IMMP2L: variants seen among roughly 807,000 people sequenced by gnomAD.
The protein encoded by IMMP2L is inner mitochondrial membrane peptidase subunit 2.
IMMP2L carries 18 observed loss-of-function variants against 19.3 expected under a neutral mutation model. The ratio of observed to expected loss-of-function variants is 0.93; its 90% CI spans 0.64 to 1.38. The LOEUF is 1.38. Among genes scored for constraint, IMMP2L ranks in the 40% most tolerant of loss-of-function variants. The pLI, the probability that IMMP2L is intolerant of heterozygous loss-of-function variation, is 0.00. For synonymous variants in IMMP2L, 76 were observed against 73.0 expected (o/e 1.04, Z -0.21); for missense variants, 233 against 218.2 (o/e 1.07, Z -0.43).
intron 3 of IMMP2L, among the ~76,000 whole-genome samples, chr7:110,984,828 C>T (rs926762193): frequency 6.6e-6 from 1 of 152,010 alleles, no homozygotes; most frequent in Non-Finnish European, 1.5e-5. Flanking sequence ...TCAAAGATGG[C>T]CACATCCAAA....
intron 4 of IMMP2L, among the ~76,000 whole-genome samples, chr7:110,950,201 T>A (rs1374801395): frequency 6.6e-6 from 1 of 152,126 alleles, no homozygotes. Context: ...TTTTTCAACA[T>A]CATTTGTTAA....
At chr7:111,050,991 A>G (rs1792951304) in intron 3 of IMMP2L, among the ~76,000 whole-genome samples, 1 of 152,322 alleles carries the variant, frequency 6.6e-6, no homozygotes, top group South Asian at 2.1e-4. Context: ...GCTGGGAAAC[A>G]AAGGATAAAA....
At chr7:111,257,664 C>T (rs1816859817) in intron 3 of IMMP2L, among the ~76,000 whole-genome samples, 1 of 152,100 alleles carries the variant, frequency 6.6e-6, no homozygotes, top group African/African-American at 2.4e-5. Flanking sequence ...ATTCGTTTCT[C>T]TATAAATTAA....
At chr7:111,555,878 G>C (rs140211370) in intron 1 of IMMP2L, among the ~76,000 whole-genome samples, 88 of 151,460 alleles carry the variant, frequency 5.8e-4, no homozygotes, top group Middle Eastern at 3.4e-3. Flanking sequence ...AAGTGTTGGC[G>C]AGGGTGGGAG....
At chr7:111,205,784 T>G (rs1300305536) in intron 3 of IMMP2L, among the ~76,000 whole-genome samples, 2 of 152,142 alleles carry the variant, frequency 1.3e-5, no homozygotes, top group Non-Finnish European at 2.9e-5. Context: ...CTATACTGAG[T>G]TCCACAGAGG....
At chr7:111,538,836 A>T (rs986008492) in intron 1 of IMMP2L, among the ~76,000 whole-genome samples, 3 of 147,314 alleles carry the variant, frequency 2.0e-5, no homozygotes, top group Non-Finnish European at 3.0e-5. Context: ...AAAAAAAAAA[A>T]AAGGCTGGGC....
chr7:111,389,749 C>T (rs1339647092), intron 3 of IMMP2L, among the ~76,000 whole-genome samples: 3 of 152,020 alleles, frequency 2.0e-5, no homozygotes, highest in African/African-American at 7.3e-5. Context: ...ACATGTTTGG[C>T]CTTAAATGCC....
At chr7:110,771,047 A>G (rs1452467845) in intron 5 of IMMP2L, among the ~76,000 whole-genome samples, 1 of 152,176 alleles carries the variant, frequency 6.6e-6, no homozygotes, top group African/African-American at 2.4e-5. Context: ...AAATGTTGAC[A>G]GGAAAAGGGG....
chr7:110,866,297 G>T (rs567730274), intron 5 of IMMP2L, among the ~76,000 whole-genome samples: 17 of 151,846 alleles, frequency 1.1e-4, no homozygotes, highest in Non-Finnish European at 2.5e-4. Flanking sequence ...AGGAATAATC[G>T]CATAAAATCT....
At chr7:111,084,375 C>T (rs1016594753) in intron 3 of IMMP2L, among the ~76,000 whole-genome samples, 3 of 150,014 alleles carry the variant, frequency 2.0e-5, no homozygotes, top group Middle Eastern at 3.5e-3. Context: ...CAGCTTTAGA[C>T]ACGTAGAGTA....
intron 4 of IMMP2L, among the ~76,000 whole-genome samples, chr7:110,889,283 G>A (rs1430423032): frequency 6.6e-6 from 1 of 152,108 alleles, no homozygotes; most frequent in Non-Finnish European, 1.5e-5. Flanking sequence ...AATATATAAT[G>A]AATCAATTAT....
intron 3 of IMMP2L, among the ~76,000 whole-genome samples, chr7:111,026,178 T>C (rs2129567852): frequency 6.6e-6 from 1 of 152,304 alleles, no homozygotes; most frequent in African/African-American, 2.4e-5. Context: ...TAATTTTACC[T>C]TCATTCTACT....
chr7:111,384,103 C>T (rs1396002496), intron 3 of IMMP2L, among the ~76,000 whole-genome samples: 1 of 151,820 alleles, frequency 6.6e-6, no homozygotes. Context: ...ATAACTATAC[C>T]AGTGCACTCC....
rs545748346 is a variant in IMMP2L, at chr7:110,882,745, GT to G, written c.408+3847del. Among the ~76,000 whole-genome samples, 20 of 148,716 alleles carry G rather than the reference GT, an allele frequency of 1.3e-4. 1 individual carries two copies. The East Asian group carries it at 3.0e-3, about 22-fold the overall frequency. On this transcript the variant is annotated intron_variant, in intron 5 of 5. Transcript: ENST00000405709. ...CTTCCTGCAACTCCAAGAATCTACT[GT>G]TTTTTTTTGTTTTTTCTTTTTCTTT...
At chr7:111,274,439 A>G (rs927987436) in intron 3 of IMMP2L, among the ~76,000 whole-genome samples, 1 of 152,180 alleles carries the variant, frequency 6.6e-6, no homozygotes, top group African/African-American at 2.4e-5. Context: ...AATGTAGTCA[A>G]TACAGAAGAG....
intron 3 of IMMP2L, among the ~76,000 whole-genome samples, chr7:111,045,995 A>G (rs1461035951): frequency 6.6e-6 from 1 of 152,214 alleles, no homozygotes; most frequent in Non-Finnish European, 1.5e-5. Context: ...GAAGGCCAAT[A>G]AAATAAAATT....
chr7:111,154,480 T>C (rs1357010885), intron 3 of IMMP2L, among the ~76,000 whole-genome samples: 1 of 152,108 alleles, frequency 6.6e-6, no homozygotes, highest in Non-Finnish European at 1.5e-5. Flanking sequence ...AACTTCACCA[T>C]GAAAAGAACA....
chr7:111,287,204 C>T (rs1299360368), intron 3 of IMMP2L, among the ~76,000 whole-genome samples: 1 of 152,140 alleles, frequency 6.6e-6, no homozygotes, highest in Non-Finnish European at 1.5e-5. Context: ...TAAGAAACAA[C>T]CTTACTTTTC....
chr7:111,540,902 G>C (rs904640843), intron 1 of IMMP2L, among the ~76,000 whole-genome samples: 2 of 152,030 alleles, frequency 1.3e-5, no homozygotes, highest in Non-Finnish European at 2.9e-5. Context: ...GAAAATAAGC[G>C]GCCAGATCAG....
Sources: allele counts gnomAD v4.1 joint callset (sites outside exome capture counted in the v4.1 genomes callset), GRCh38; gene constraint gnomAD v4.1.1; transcripts MANE v1.5; gene names NCBI Gene and HGNC (gene_info 2026-07-23, HGNC 2026-07-21).